SYNPO2L: variants seen among roughly 807,000 people sequenced by gnomAD.
The protein encoded by SYNPO2L is synaptopodin 2 like, also known as synaptopodin 2-like protein.
Under a neutral mutation model 47.5 loss-of-function variants are expected in SYNPO2L, and 34 were observed. The observed-to-expected ratio is 0.72, with a 90% confidence interval of 0.54 to 0.95. SYNPO2L has a LOEUF of 0.95. SYNPO2L is among the 40% of genes least tolerant of loss of function. SYNPO2L has a pLI of 0.00. For synonymous variants in SYNPO2L, 536 were observed against 524.9 expected, an observed-to-expected ratio of 1.02 and a Z score of -0.29; for missense variants, 1,246 against 1,282.0, an observed-to-expected ratio of 0.97 and a Z score of 0.43.
intron 3 of SYNPO2L, among the ~76,000 whole-genome samples, chr10:73,652,721 CCA>C (rs1375190512): frequency 2.0e-5 from 3 of 152,050 alleles, no homozygotes; most frequent in Non-Finnish European, 4.4e-5. Flanking sequence ...TGCTATCCTC[CCA>C]CCTCAGCCTC....
At position 73,651,199 on chromosome 10, in the gene SYNPO2L, T is replaced by C. The variant is rs79709638; in HGVS notation, c.772+1940A>G. 9.3e-3 allele frequency among the ~76,000 whole-genome samples: 1,417 copies of C among 152,208 alleles called. 16 individuals carry two copies. Among genetic ancestry groups the C allele is most frequent in the African/African-American group, 0.032 (1,310 of 41,518 alleles). On this transcript the variant is annotated intron_variant, in intron 3 of 3. Coordinates refer to ENST00000394810, the MANE Select transcript of SYNPO2L (RefSeq NM_001114133.3). ...GATGGATGTGGGCACCTGCCTTCCC[T>C]TCCCCCAACCCCACCCCAGTAGACA...
chr10:73,654,081 C>T (rs533766074), intron 2 of SYNPO2L, 48 bp downstream of exon 2: 1 of 1,539,128 alleles, frequency 6.5e-7, no homozygotes, highest in Non-Finnish European at 8.8e-7. Context: ...CTGAGACAGG[C>T]AATGGGAGCC....
At chr10:73,654,316 G>A in intron 1 of SYNPO2L, 36 bp from the exon 2 acceptor site, 1 of 1,549,490 alleles carries the variant, frequency 6.5e-7, no homozygotes, top group Non-Finnish European at 8.7e-7. Context: ...GGTAAGAGGG[G>A]GCTCCAAAGG....
chr10:73,653,675 G>A (rs1051284950), intron 2 of SYNPO2L, 22 bp from the exon 3 acceptor site: 5 of 1,517,670 alleles, frequency 3.3e-6, no homozygotes, highest in Non-Finnish European at 4.4e-6. Context: ...AGATGACAGA[G>A]CTTGAGAGAT....
At chr10:73,653,931 C>T (rs2132423961) in intron 2 of SYNPO2L, 198 bp downstream of exon 2, 1 of 773,340 alleles carries the variant, frequency 1.3e-6, no homozygotes, top group Admixed American at 2.9e-5. Context: ...GTCAAATACC[C>T]ACTGACATCC....
intron 3 of SYNPO2L, chr10:73,650,146 C>T (rs1272731223): frequency 1.0e-6 from 1 of 985,338 alleles, no homozygotes; most frequent in Non-Finnish European, 1.2e-6. Context: ...CTCTCTGGTC[C>T]ATGGTCCCCA....
Position 73,648,788 on chromosome 10 carries a change from G to A in SYNPO2L, c.864C>T (p.Pro288=), listed in dbSNP as rs1417374248. Residue 288 remains proline, a synonymous_variant, in exon 4 of 4, where the codon CCC becomes CCT. Transcript: ENST00000394810. ...TAAGTACCCCTTTGGAGTGGGGGTT[G>A]GGGGCTGCAGTGAGCAGGGATGCAA... is the stretch of plus-strand genomic sequence containing the variant. ...RTIASLLTAA[P]NPHSKGVLMF... is the part of the protein sequence containing the mutation. The A allele has an allele frequency of 5.6e-6, 9 of 1,604,164 alleles. No homozygotes were observed. The highest frequency in any genetic ancestry group is 7.7e-6 in the Non-Finnish European group (9 of 1,174,748).
chr10:73,649,875 C>T, intron 3 of SYNPO2L: 11 of 985,368 alleles, frequency 1.1e-5, no homozygotes, highest in Non-Finnish European at 1.3e-5. Flanking sequence ...AGGCAACACT[C>T]CAAATCTTTA....
intron 3 of SYNPO2L, chr10:73,650,869 T>A: frequency 6.4e-7 from 1 of 1,560,054 alleles, no homozygotes; most frequent in African/African-American, 1.4e-5. Flanking sequence ...TCCCCTCCAT[T>A]CTAGACCCCA....
Position 73,646,852 on chromosome 10 carries a change from G to A in SYNPO2L, c.2800C>T (p.Pro934Ser). 1 of 1,552,990 alleles carries A rather than the reference G, an allele frequency of 6.4e-7. No individual in the cohort carries two copies. Among genetic ancestry groups the A allele is most frequent in the Non-Finnish European group, 8.7e-7 (1 of 1,150,602 alleles). ...LASAPVPSPA[P>S]PPEAPRGLGA... Reference sequence around the variant, plus strand: ...AGGCCCCTGGGAGCCTCTGGAGGAGGGGCTGGGCTAGGAACAGGGGCTGAG... The same window carrying A: ...AGGCCCCTGGGAGCCTCTGGAGGAGAGGCTGGGCTAGGAACAGGGGCTGAG... Residue 934 changes from proline (P) to serine (S), a missense_variant, in exon 4 of 4, where the codon CCT becomes TCT. This residue lies in a region of SYNPO2L where 1,037 missense variants were observed against 1,021.5 expected (regional missense o/e 1.02). Coordinates refer to ENST00000394810, the MANE Select transcript of SYNPO2L (RefSeq NM_001114133.3).
In SYNPO2L at chr10:73,645,955, G is replaced by T. The variant is rs532492859; in HGVS notation, c.*763C>A. ...TTCTCCTGCCTCAGCCTCCCGAGTA[G>T]CTGGGACTACAGGCGCTCGCCACCA... On this transcript the variant is annotated 3_prime_UTR_variant, in exon 4 of 4. Transcript: ENST00000394810. 3.5e-6 allele frequency: 3 copies of T among 852,936 alleles called. No individual in the cohort carries two copies. In the African/African-American group the frequency reaches 5.5e-5, roughly 16 times the overall value. 52.8% of individuals were successfully genotyped at this position (852,936 alleles called of 1,614,324 possible).
At position 73,647,530 on chromosome 10, in the gene SYNPO2L, G is replaced by A. The variant is rs758102265; in HGVS notation, c.2122C>T (p.Pro708Ser). The change falls in exon 4 of 4, where the codon CCA (proline) becomes TCA (serine). Residue 708 changes from proline (P) to serine (S), a missense_variant. Pro to Ser is a moderately conservative substitution (Grantham distance 74, BLOSUM62 -1). Coordinates refer to ENST00000394810, the MANE Select transcript of SYNPO2L (RefSeq NM_001114133.3). ...GGGGGCGGGGTCTTGGGAGCCATTG[G>A]AGGGGGGGTCTTAGGTGTCACGTGA... ...LPHVTPKTPP[P>S]MAPKTPPPMT... The A allele has an allele frequency of 1.9e-6, 3 of 1,592,560 alleles. No homozygotes were observed. In the African/African-American group the frequency reaches 4.0e-5, roughly 21 times the overall value.
chr10:73,645,119 C>G lies in SYNPO2L; in HGVS notation c.*1599G>C. ...AGGAGGTTTTGGCTCTGGGTATTTC[C>G]CTACTCTTTCCCAGGCAGTCATGGC... On this transcript the variant is annotated 3_prime_UTR_variant, in exon 4 of 4. Coordinates refer to ENST00000394810, the MANE Select transcript of SYNPO2L (RefSeq NM_001114133.3). 8.2e-7 allele frequency: 1 copy of G among 1,222,396 alleles called. No homozygotes were observed. The highest frequency in any genetic ancestry group is 1.5e-5 in the South Asian group (1 of 67,570). The allele number at this position is 1,222,396 out of a possible 1,614,324, so 75.7% of individuals were successfully genotyped here.
At chr10:73,652,425 T>C (rs2081848717) in intron 3 of SYNPO2L, among the ~76,000 whole-genome samples, 1 of 152,044 alleles carries the variant, frequency 6.6e-6, no homozygotes, top group Non-Finnish European at 1.5e-5. Context: ...TCCCAGCACT[T>C]TGGGAGGCCG....
chr10:73,648,000 T>C lies in SYNPO2L; in HGVS notation c.1652A>G (p.Tyr551Cys), dbSNP rs1398693499. The change falls in exon 4 of 4, where the codon TAC becomes TGC. Residue 551 changes from tyrosine (Y) to cysteine (C), a missense_variant. By Grantham distance (194) the Tyr-to-Cys change is radical (BLOSUM62 -2). Transcript: ENST00000394810. ...SGPVTATSSL[Y>C]IPAPSRPVTP... The stretch of plus-strand genomic sequence containing the variant: ...GACAGGCCGACTAGGGGCTGGGATG[T>C]ACAGGGAGCTGGTGGCTGTCACAGG... The C allele has an allele frequency of 3.2e-6, 5 of 1,574,056 alleles. No homozygotes were observed. The highest frequency in any genetic ancestry group is 3.4e-6 in the Non-Finnish European group (4 of 1,161,726).
In SYNPO2L at chr10:73,647,714, G is replaced by C; in HGVS notation, c.1938C>G (p.Asn646Lys). Residue 646 changes from asparagine (N) to lysine (K), a missense_variant, in exon 4 of 4, where the codon AAC becomes AAG. Coordinates refer to ENST00000394810, the MANE Select transcript of SYNPO2L (RefSeq NM_001114133.3). ...MFRPGKEETK[N>K]SPNPELLSLV... ...GCGATAGCAGCTCGGGGTTGGGCGA[G>C]TTCTTCGTCTCCTCCTTTCCCGGCC... The C allele has an allele frequency of 6.2e-7, 1 of 1,614,102 alleles. No homozygotes were observed. Among genetic ancestry groups the C allele is most frequent in the Admixed American group, 1.7e-5 (1 of 60,020 alleles).
Position 73,645,533 on chromosome 10 carries a change from C to G in SYNPO2L, c.*1185G>C. On this transcript the variant is annotated 3_prime_UTR_variant, in exon 4 of 4. Transcript: ENST00000394810. The stretch of plus-strand genomic sequence containing the variant: ...GAATTTTCTTTCTTTTTTTCATTTC[C>G]TGGGTACTGGGTTGCTCAGCACTGG... 9.1e-6 allele frequency: 9 copies of G among 993,864 alleles called. No individual in the cohort carries two copies. The highest frequency in any genetic ancestry group is 1.1e-5 in the Non-Finnish European group (9 of 836,168). The allele number at this position is 993,864 out of a possible 1,614,324, so 61.6% of individuals were successfully genotyped here.
rs143221637 is a variant in SYNPO2L, at chr10:73,647,276, G to C, written c.2376C>G (p.Thr792=). The C allele has an allele frequency of 1.7e-5, 28 of 1,613,954 alleles. No homozygotes were observed. Among genetic ancestry groups the C allele is most frequent in the African/African-American group, 8.0e-5 (6 of 74,856 alleles). The change falls in exon 4 of 4, where the codon ACC becomes ACG. Residue 792 remains threonine (T), a synonymous_variant. Coordinates refer to ENST00000394810, the MANE Select transcript of SYNPO2L (RefSeq NM_001114133.3). Reference sequence around the variant, plus strand: ...ATTTCCAGGAAGGGGGCAGAGACGGGGTAGGAGAAGGACTTCTAGGCCGAG... The same window carrying C: ...ATTTCCAGGAAGGGGGCAGAGACGGCGTAGGAGAAGGACTTCTAGGCCGAG... The part of the protein sequence containing the change: ...LGPRPRSPSP[T]PSLPPSWKYS...
At chr10:73,652,752 A>G (rs1724503176) in intron 3 of SYNPO2L, among the ~76,000 whole-genome samples, 1 of 152,162 alleles carries the variant, frequency 6.6e-6, no homozygotes, top group African/African-American at 2.4e-5. Context: ...CTTGGATTAC[A>G]GGTATGAGCC....
Sources: allele counts gnomAD v4.1 joint callset (sites outside exome capture counted in the v4.1 genomes callset), GRCh38; gene constraint gnomAD v4.1.1; regional missense constraint gnomAD v4.1.1; transcripts MANE v1.5; gene names NCBI Gene and HGNC (gene_info 2026-07-23, HGNC 2026-07-21).